ANXA8: variants seen among roughly 807,000 people sequenced by gnomAD.
The protein encoded by ANXA8 is VAC-beta.
In ANXA8, 9 loss-of-function variants were observed where a neutral mutation model predicts 26.8. The observed-to-expected ratio is 0.34, with a 90% CI of 0.20 to 0.59. The LOEUF (loss-of-function observed/expected upper bound fraction) is 0.59, where lower values mean the gene tolerates loss of function less well. Ranked by LOEUF, ANXA8 falls within the 20% of genes least tolerant of loss-of-function variation. ANXA8 has a pLI of 0.84. For synonymous variants in ANXA8, 39 were observed against 94.8 expected (o/e 0.41, Z 3.42); for missense variants, 83 against 238.5 (o/e 0.35, Z 4.29).
the ANXA8 span, among the ~76,000 whole-genome samples, chr10:47,772,009 A>G: frequency 6.6e-6 from 1 of 151,740 alleles, no homozygotes; most frequent in Non-Finnish European, 1.5e-5. Context: ...ATTAGCTCTA[A>G]GATGTCATTG....
the ANXA8 span, among the ~76,000 whole-genome samples, chr10:47,668,142 C>A: frequency 6.7e-6 from 1 of 150,052 alleles, no homozygotes; most frequent in Non-Finnish European, 1.5e-5. Context: ...CTGTGGATTC[C>A]CCATTGCATA....
chr10:47,779,088 GT>G, the ANXA8 span, among the ~76,000 whole-genome samples: 68 of 140,874 alleles, frequency 4.8e-4, 2 homozygotes, highest in South Asian at 6.4e-3. Context: ...ACAAGCAATA[GT>G]TTTTTTTTTT....
the ANXA8 span, among the ~76,000 whole-genome samples, chr10:47,647,302 TA>T: frequency 6.6e-6 from 1 of 151,846 alleles, no homozygotes; most frequent in Middle Eastern, 3.2e-3. Context: ...TTTTTTTGTT[TA>T]TTTATATAGT....
the ANXA8 span, chr10:47,565,162 G>C: frequency 1.4e-6 from 1 of 726,906 alleles, no homozygotes; most frequent in Non-Finnish European, 2.5e-6. Flanking sequence ...GCAGCCCGAA[G>C]CTGCTGGCCG....
chr10:47,564,329 G>C, the ANXA8 span: 2 of 624,708 alleles, frequency 3.2e-6, no homozygotes, highest in Non-Finnish European at 2.7e-6. Context: ...GGCGGGCCTG[G>C]GGGGGCCTGG....
the ANXA8 span, among the ~76,000 whole-genome samples, chr10:47,575,215 A>AAAAAAAAAG: frequency 2.7e-5 from 3 of 110,652 alleles, no homozygotes; most frequent in South Asian, 3.0e-4. Flanking sequence ...AAAAAAAAAA[A>AAAAAAAAAG]AAAGAAAGAA....
the ANXA8 span, among the ~76,000 whole-genome samples, chr10:47,743,715 G>T: frequency 2.0e-5 from 3 of 149,806 alleles, no homozygotes; most frequent in Non-Finnish European, 4.4e-5. Flanking sequence ...GCTCGGGTCC[G>T]GCTGCGGGCC....
At chr10:47,484,374 G>A (rs1183798098), upstream of ANXA8, 458 of 905,612 alleles carry the variant, frequency 5.1e-4, 5 homozygotes, top group East Asian at 9.9e-3. Flanking sequence ...ATGAGCCACC[G>A]CACCCAGCCC....
chr10:47,604,305 CATAT>C, the ANXA8 span, among the ~76,000 whole-genome samples: 1 of 151,620 alleles, frequency 6.6e-6, no homozygotes, highest in East Asian at 1.9e-4. Flanking sequence ...TATATCATAA[CATAT>C]ATATCATATA....
chr10:47,733,222 T>C, the ANXA8 span, among the ~76,000 whole-genome samples: 4 of 71,006 alleles, frequency 5.6e-5, no homozygotes, highest in South Asian at 5.5e-4. Flanking sequence ...TCTTTCTTTC[T>C]CTTTCTTTCT....
chr10:47,468,970 C>T (rs1588917325), intron 11 of ANXA8, 64 bp from the exon 12 acceptor site: 13 of 1,576,214 alleles, frequency 8.2e-6, no homozygotes, highest in Non-Finnish European at 8.6e-6. Context: ...GCAGTGGCGG[C>T]TGTGTTATTA....
At chr10:47,665,005 G>C in the ANXA8 span, among the ~76,000 whole-genome samples, 2 of 144,418 alleles carry the variant, frequency 1.4e-5, no homozygotes, top group African/African-American at 2.7e-5. Flanking sequence ...GGGATTACAG[G>C]TATGAGCCAC....
At chr10:47,502,181 G>T in the ANXA8 span, 1 of 1,547,186 alleles carries the variant, frequency 6.5e-7, no homozygotes, top group Non-Finnish European at 8.7e-7. Flanking sequence ...GGCATCTCGG[G>T]CCATGACGTC....
chr10:47,590,583 A>G, the ANXA8 span, among the ~76,000 whole-genome samples: 1 of 146,256 alleles, frequency 6.8e-6, no homozygotes, highest in African/African-American at 2.8e-5. Flanking sequence ...AAAACTATTA[A>G]CAACAACACA....
At chr10:47,955,604 T>C in the ANXA8 span, among the ~76,000 whole-genome samples, 2 of 148,646 alleles carry the variant, frequency 1.3e-5, no homozygotes, top group African/African-American at 2.5e-5. Flanking sequence ...AGAGTGAAAA[T>C]ACAGCATAGA....
chr10:47,657,860 G>A, the ANXA8 span, among the ~76,000 whole-genome samples: 1 of 150,974 alleles, frequency 6.6e-6, no homozygotes, highest in Non-Finnish European at 1.5e-5. Context: ...ACCTGCCTGG[G>A]CAAACATAGA....
the ANXA8 span, among the ~76,000 whole-genome samples, chr10:47,749,060 C>T: frequency 1.3e-5 from 1 of 77,806 alleles, no homozygotes; most frequent in African/African-American, 4.9e-5. Context: ...TGGTGAAATC[C>T]CTTCTCTACA....
At chr10:47,659,445 C>T in the ANXA8 span, among the ~76,000 whole-genome samples, 6 of 151,576 alleles carry the variant, frequency 4.0e-5, no homozygotes, top group African/African-American at 1.5e-4. Flanking sequence ...TTTGGGAGGC[C>T]GAGGTGGGCG....
the ANXA8 span, among the ~76,000 whole-genome samples, chr10:47,736,407 C>T: frequency 1.2e-5 from 1 of 80,032 alleles, no homozygotes; most frequent in Non-Finnish European, 2.4e-5. Flanking sequence ...CACAATTTGC[C>T]ATATACGTCT....
Sources: gnomAD v4.1 joint callset for allele counts (sites outside exome capture counted in the v4.1 genomes callset) on GRCh38, gnomAD v4.1.1 for gene constraint, MANE v1.5 for transcripts, NCBI Gene and HGNC (gene_info 2026-07-23, HGNC 2026-07-21) for gene names.